SLC9A8: variants seen among roughly 807,000 people sequenced by gnomAD.
SLC9A8 encodes sodium/hydrogen exchanger 8.
In SLC9A8, 48 loss-of-function variants were observed where a neutral mutation model predicts 66.6. The ratio of observed to expected loss-of-function variants is 0.72; its 90% CI spans 0.57 to 0.92. The LOEUF (loss-of-function observed/expected upper bound fraction) is 0.92. SLC9A8 is among the 40% of genes least tolerant of loss of function. SLC9A8 has a pLI of 0.00. For missense variants in SLC9A8, 599 were observed against 747.3 expected (o/e 0.80, Z 2.31); for synonymous variants, 274 against 282.6 (o/e 0.97, Z 0.31).
intron 4 of SLC9A8, among the ~76,000 whole-genome samples, chr20:49,841,736 A>G (rs1465840237): frequency 6.6e-6 from 1 of 151,844 alleles, no homozygotes; most frequent in Non-Finnish European, 1.5e-5. Flanking sequence ...GCAGGAGAAC[A>G]GGCATGTGCC....
chr20:49,867,586 A>G (rs186158104), intron 10 of SLC9A8, among the ~76,000 whole-genome samples: 56 of 152,300 alleles, frequency 3.7e-4, no homozygotes, highest in Non-Finnish European at 6.3e-4. Flanking sequence ...GATGTCCAAG[A>G]GCTCTCTTTC....
chr20:49,840,391 C>A (rs77569141), intron 4 of SLC9A8, among the ~76,000 whole-genome samples: 49 of 152,228 alleles, frequency 3.2e-4, no homozygotes, highest in African/African-American at 1.2e-3. Context: ...AAATAAGATT[C>A]ATTTCAAAAT....
Position 49,855,480 on chromosome 20 carries a change from C to T in SLC9A8, c.612C>T (p.Ala204=). The change falls in exon 8 of 16, where the codon GCC becomes GCT. Residue 204 remains alanine (A), a synonymous_variant. Coordinates refer to ENST00000361573, the MANE Select transcript of SLC9A8 (RefSeq NM_015266.3). Reference sequence around the variant, plus strand: ...TAATATCTGCTGTCGATCCAGTGGCCACTATTGCCATTTTCAATGCACTTC... The same window carrying T: ...TAATATCTGCTGTCGATCCAGTGGCTACTATTGCCATTTTCAATGCACTTC... ...GSLISAVDPV[A]TIAIFNALHV... is the part of the protein sequence containing the mutation. The T allele has an allele frequency of 6.2e-7, 1 of 1,614,168 alleles. No individual in the cohort carries two copies. The highest frequency in any genetic ancestry group is 8.5e-7 in the Non-Finnish European group (1 of 1,180,038).
chr20:49,830,820 CA>C, intron 3 of SLC9A8: 7 of 1,389,792 alleles, frequency 5.0e-6, no homozygotes, highest in Non-Finnish European at 7.1e-6. Context: ...AGATCAGGCC[CA>C]GCAGACACTC....
intron 13 of SLC9A8, among the ~76,000 whole-genome samples, chr20:49,882,828 G>A (rs1341520109): frequency 6.6e-6 from 1 of 152,178 alleles, no homozygotes; most frequent in Non-Finnish European, 1.5e-5. Flanking sequence ...GGTTTAGAGA[G>A]GCTGAGAGTC....
At chr20:49,839,082 T>C (rs1312322621) in intron 3 of SLC9A8, among the ~76,000 whole-genome samples, 1 of 152,262 alleles carries the variant, frequency 6.6e-6, no homozygotes, top group African/African-American at 2.4e-5. Flanking sequence ...TTAGGTTATT[T>C]TCAGCATTTG....
At chr20:49,819,291 C>A (rs1361372714) in intron 2 of SLC9A8, among the ~76,000 whole-genome samples, 1 of 152,176 alleles carries the variant, frequency 6.6e-6, no homozygotes, top group Non-Finnish European at 1.5e-5. Context: ...TGAAAGCACA[C>A]CCTCCATACC....
At chr20:49,851,686 A>T (rs183072196) in intron 7 of SLC9A8, among the ~76,000 whole-genome samples, 2 of 152,302 alleles carry the variant, frequency 1.3e-5, no homozygotes, top group African/African-American at 2.4e-5. Context: ...TAACAAATCC[A>T]ATTCTATTTC....
chr20:49,844,290 A>G (rs2087887996), intron 4 of SLC9A8, among the ~76,000 whole-genome samples: 1 of 152,178 alleles, frequency 6.6e-6, no homozygotes, highest in South Asian at 2.1e-4. Context: ...AACCATATAT[A>G]GGATTTACTG....
At chr20:49,883,442 G>A (rs1228927204) in intron 13 of SLC9A8, among the ~76,000 whole-genome samples, 1 of 152,166 alleles carries the variant, frequency 6.6e-6, no homozygotes, top group East Asian at 1.9e-4. Flanking sequence ...AGCGCTGCTC[G>A]GTGAGGATTC....
intron 3 of SLC9A8, among the ~76,000 whole-genome samples, chr20:49,836,881 A>G (rs774441183): frequency 6.6e-6 from 1 of 152,174 alleles, no homozygotes; most frequent in Non-Finnish European, 1.5e-5. Flanking sequence ...AAAGGAAGAC[A>G]AATCTTGGGA....
chr20:49,834,139 GTCTCTCTCTCTCTCTCTCTCTC>G (rs71335517), intron 3 of SLC9A8, among the ~76,000 whole-genome samples: 39 of 65,400 alleles, frequency 6.0e-4, no homozygotes, highest in East Asian at 8.6e-4. Flanking sequence ...ATATTAGCTT[GTCTCTCTCTCTCTCTCTCTCTC>G]TCTCTCTCTC....
At chr20:49,829,670 C>A in intron 3 of SLC9A8, 1 of 472,548 alleles carries the variant, frequency 2.1e-6, no homozygotes, top group South Asian at 1.9e-5. Flanking sequence ...GTAAACTATT[C>A]CAGCAAGCGG....
intron 7 of SLC9A8, among the ~76,000 whole-genome samples, chr20:49,854,518 C>T (rs1039919979): frequency 6.6e-6 from 1 of 151,620 alleles, no homozygotes; most frequent in Non-Finnish European, 1.5e-5. Context: ...ACCCACACCC[C>T]CACCCCACCT....
At chr20:49,835,237 C>T (rs2087482680) in intron 3 of SLC9A8, among the ~76,000 whole-genome samples, 1 of 150,750 alleles carries the variant, frequency 6.6e-6, no homozygotes. Flanking sequence ...ATACTCTTAA[C>T]ACAGAGTGGC....
At chr20:49,817,307 A>G (rs1261569154) in intron 2 of SLC9A8, among the ~76,000 whole-genome samples, 1 of 151,326 alleles carries the variant, frequency 6.6e-6, no homozygotes, top group Admixed American at 6.6e-5. Flanking sequence ...ACAAGAGGGA[A>G]ACTCCATACC....
chr20:49,880,783 G>A (rs2089598958), intron 12 of SLC9A8, 141 bp from the exon 13 acceptor site: 1 of 640,292 alleles, frequency 1.6e-6, no homozygotes, highest in Non-Finnish European at 2.8e-6. Flanking sequence ...CGAGCATGGT[G>A]TTGCTCGTGT....
chr20:49,819,416 A>G (rs1388936049), intron 2 of SLC9A8, among the ~76,000 whole-genome samples: 1 of 152,190 alleles, frequency 6.6e-6, no homozygotes, highest in East Asian at 1.9e-4. Flanking sequence ...CACAAATAAT[A>G]CATGTTTGGA....
intron 3 of SLC9A8, among the ~76,000 whole-genome samples, chr20:49,828,456 T>C (rs1447236169): frequency 6.6e-6 from 1 of 150,466 alleles, no homozygotes; most frequent in Non-Finnish European, 1.5e-5. Flanking sequence ...ACTCCCGACC[T>C]CAGGTGATCC....
Sources: gnomAD v4.1 joint callset for allele counts (sites outside exome capture counted in the v4.1 genomes callset) on GRCh38, gnomAD v4.1.1 for gene constraint, MANE v1.5 for transcripts, NCBI Gene and HGNC (gene_info 2026-07-23, HGNC 2026-07-21) for gene names.